The following EEPD1 variants were observed in gnomAD, a reference collection of about 807,000 sequenced individuals.
EEPD1 encodes the protein endonuclease/exonuclease/phosphatase family domain containing 1.
Under a neutral mutation model 46.3 loss-of-function variants are expected in EEPD1, and 17 were observed. That is an observed-to-expected ratio of 0.37 (90% CI 0.25 to 0.55). The LOEUF (loss-of-function observed/expected upper bound fraction) is 0.55. EEPD1 is among the 20% of genes least tolerant of loss of function. The pLI, the probability that EEPD1 is intolerant of heterozygous loss-of-function variation, is 0.83. For synonymous variants in EEPD1, 313 were observed against 315.6 expected, an observed-to-expected ratio of 0.99 and a Z score of 0.09; for missense variants, 673 against 745.6, an observed-to-expected ratio of 0.90 and a Z score of 1.13.
At chr7:36,172,479 T>C (rs1235127886) in intron 2 of EEPD1, among the ~76,000 whole-genome samples, 1 of 152,230 alleles carries the variant, frequency 6.6e-6, no homozygotes, top group Non-Finnish European at 1.5e-5. Context: ...CCTTGCCCTA[T>C]GCATCCCTTC....
intron 3 of EEPD1, among the ~76,000 whole-genome samples, chr7:36,261,979 A>G (rs933160972): frequency 5.9e-5 from 9 of 152,220 alleles, no homozygotes; most frequent in African/African-American, 1.9e-4. Flanking sequence ...AATGCATCCA[A>G]CCTTGTTTCA....
At chr7:36,279,128 T>G (rs913833342) in intron 3 of EEPD1, among the ~76,000 whole-genome samples, 1 of 147,336 alleles carries the variant, frequency 6.8e-6, no homozygotes, top group East Asian at 2.1e-4. Context: ...CTGCCCCTGC[T>G]TTGTTTGTCA....
At chr7:36,191,334 C>G (rs954551579) in intron 2 of EEPD1, among the ~76,000 whole-genome samples, 7 of 152,168 alleles carry the variant, frequency 4.6e-5, no homozygotes, top group African/African-American at 1.4e-4. Flanking sequence ...AGGCTGAAGC[C>G]TTTGCAGAGC....
rs534141630 is a variant in EEPD1, at chr7:36,205,137, C to T, written c.879-33848C>T. 7.9e-5 allele frequency among the ~76,000 whole-genome samples: 12 copies of T among 152,252 alleles called. No homozygotes were observed. The South Asian group carries it at 1.7e-3, about 21-fold the overall frequency. On this transcript the variant is annotated intron_variant, in intron 2 of 7. Transcript: ENST00000242108. ...TTGGTGTGTTCAGAGACCTGGCCCT[C>T]AGGGAGGTGTGAGATGGACAGGGAG...
intron 3 of EEPD1, among the ~76,000 whole-genome samples, chr7:36,255,958 A>G (rs2115819913): frequency 6.6e-6 from 1 of 152,288 alleles, no homozygotes; most frequent in South Asian, 2.1e-4. Flanking sequence ...CTCCTTGGGC[A>G]TTTAGTGCTA....
intron 2 of EEPD1, among the ~76,000 whole-genome samples, chr7:36,188,803 T>C (rs766435348): frequency 6.6e-6 from 1 of 152,204 alleles, no homozygotes; most frequent in Non-Finnish European, 1.5e-5. Flanking sequence ...ATTACAGATA[T>C]TTATTTTTAA....
At chr7:36,187,306 A>C (rs989862752) in intron 2 of EEPD1, among the ~76,000 whole-genome samples, 1 of 152,190 alleles carries the variant, frequency 6.6e-6, no homozygotes, top group African/African-American at 2.4e-5. Context: ...CAGTGGCATA[A>C]AGTACATTCA....
intron 4 of EEPD1, among the ~76,000 whole-genome samples, chr7:36,283,689 G>T (rs1349568228): frequency 6.6e-6 from 1 of 152,204 alleles, no homozygotes; most frequent in Non-Finnish European, 1.5e-5. Flanking sequence ...GAAGTGCACA[G>T]CATACAATAC....
rs756010171 is a variant in EEPD1 at position 36,299,041 on chromosome 7, C to T, written c.1545C>T (p.Asn515=). 1 of 1,614,126 alleles carries T rather than the reference C, an allele frequency of 6.2e-7. No homozygotes were observed. Among genetic ancestry groups the T allele is most frequent in the Admixed American group, 1.7e-5 (1 of 60,008 alleles). ...CTGTGGTGAGAGAAGGCCTCACGAA[C>T]CCTTGGATTCCGGATAACTGGTCTT... ...HWAVVREGLT[N]PWIPDNWSWG... Residue 515 remains asparagine, a synonymous_variant, in exon 8 of 8, where the codon AAC becomes AAT. Transcript: ENST00000242108.
rs780104209 is a variant in EEPD1 at position 36,154,516 on chromosome 7, C to A, written c.192C>A (p.Ile64=). The change falls in exon 2 of 8, where the codon ATC becomes ATA. Residue 64 remains isoleucine, a synonymous_variant. Coordinates refer to ENST00000242108, the MANE Select transcript of EEPD1 (RefSeq NM_030636.3). This position sits in a 1 kb window ranked among gnomAD's most constrained non-coding sequence, Gnocchi z 4.2. ...PGVTRAVARS[I]VEYREYIGGF... ...TGACGCGTGCCGTGGCACGCAGCAT[C>A]GTGGAGTACCGAGAGTATATCGGTG... 11 of 1,614,200 alleles carry A rather than the reference C, an allele frequency of 6.8e-6. No individual in the cohort carries two copies. The highest frequency in any genetic ancestry group is 6.6e-5 in the South Asian group (6 of 91,082).
chr7:36,181,731 C>T (rs768631170), intron 2 of EEPD1, among the ~76,000 whole-genome samples: 7 of 152,176 alleles, frequency 4.6e-5, no homozygotes, highest in Admixed American at 2.0e-4. Flanking sequence ...CTCAGCATCA[C>T]GGAGCAGTGG....
chr7:36,194,071 T>C (rs929899221), intron 2 of EEPD1, among the ~76,000 whole-genome samples: 1 of 152,198 alleles, frequency 6.6e-6, no homozygotes, highest in African/African-American at 2.4e-5. Flanking sequence ...GCTACTTCTA[T>C]TGTGAGGCCA....
At chr7:36,283,682 G>A (rs1451206296) in intron 4 of EEPD1, among the ~76,000 whole-genome samples, 1 of 152,180 alleles carries the variant, frequency 6.6e-6, no homozygotes, top group African/African-American at 2.4e-5. Context: ...AAATATAGAA[G>A]TGCACAGCAT....
At chr7:36,284,659 A>G in intron 4 of EEPD1, 27 bp from the exon 5 acceptor site, 3 of 1,604,526 alleles carry the variant, frequency 1.9e-6, no homozygotes, top group Non-Finnish European at 2.6e-6. Context: ...CTCTGGCACC[A>G]AGACTCTGTC....
At chr7:36,181,976 G>A (rs1159616935) in intron 2 of EEPD1, among the ~76,000 whole-genome samples, 4 of 152,130 alleles carry the variant, frequency 2.6e-5, no homozygotes, top group African/African-American at 9.7e-5. Context: ...CCCATCTGTT[G>A]CGTTTCTTAC....
intron 2 of EEPD1, among the ~76,000 whole-genome samples, chr7:36,187,718 C>T (rs2115670780): frequency 6.6e-6 from 1 of 152,318 alleles, no homozygotes; most frequent in Admixed American, 6.5e-5. Flanking sequence ...GGTGTGCAGA[C>T]AATCTGTCTG....
chr7:36,203,232 AGT>A (rs938148882), intron 2 of EEPD1, among the ~76,000 whole-genome samples: 3 of 152,138 alleles, frequency 2.0e-5, no homozygotes, highest in Non-Finnish European at 4.4e-5. Context: ...GTAACTTTGA[AGT>A]GTGGGATTTC....
chr7:36,186,810 C>G (rs1196232360), intron 2 of EEPD1, among the ~76,000 whole-genome samples: 2 of 152,234 alleles, frequency 1.3e-5, no homozygotes, highest in African/African-American at 4.8e-5. Flanking sequence ...GCTAAGCATT[C>G]TTTCAGCAGT....
At chr7:36,205,893 TGGGGTAATG>T (rs952049826) in intron 2 of EEPD1, among the ~76,000 whole-genome samples, 1 of 152,110 alleles carries the variant, frequency 6.6e-6, no homozygotes, top group Non-Finnish European at 1.5e-5. Flanking sequence ...TCTCAGACTC[TGGGGTAATG>T]GGGGCACTGA....
Sources: gnomAD v4.1 joint callset for allele counts (sites outside exome capture counted in the v4.1 genomes callset) on GRCh38, gnomAD v4.1.1 for gene constraint, Gnocchi (gnomAD v3.1) non-coding constraint, MANE v1.5 for transcripts, NCBI Gene and HGNC (gene_info 2026-07-23, HGNC 2026-07-21) for gene names.